The following CSMD1 variants were observed in gnomAD, a reference collection of about 807,000 sequenced individuals.
The protein encoded by CSMD1 is CUB and sushi domain-containing protein 1.
Under a neutral mutation model 417.5 loss-of-function variants are expected in CSMD1, and 213 were observed. The ratio of observed to expected loss-of-function variants is 0.51; its 90% CI spans 0.46 to 0.57. The LOEUF (loss-of-function observed/expected upper bound fraction) is 0.57. CSMD1 is among the 20% of genes least tolerant of loss of function. The pLI is 0.00. For synonymous variants in CSMD1, 2,862 were observed against 1,736.8 expected (o/e 1.65, Z -16.11); for missense variants, 6,923 against 4,529.7 (o/e 1.53, Z -15.17).
intron 58 of CSMD1, 36 bp downstream of exon 58, chr8:2,966,534 T>G (rs765274084): frequency 1.3e-6 from 2 of 1,577,382 alleles, no homozygotes; most frequent in East Asian, 4.5e-5. Context: ...AATTTCATAG[T>G]AACGTCTGAG....
intron 1 of CSMD1, among the ~76,000 whole-genome samples, chr8:4,917,017 C>T (rs1407126688): frequency 6.6e-6 from 1 of 152,108 alleles, no homozygotes; most frequent in African/African-American, 2.4e-5. Context: ...TAAATAACCA[C>T]CTGAGACTGG....
intron 11 of CSMD1, among the ~76,000 whole-genome samples, chr8:3,481,682 G>A (rs1368524679): frequency 2.0e-5 from 3 of 152,196 alleles, no homozygotes; most frequent in Non-Finnish European, 4.4e-5. Context: ...GAGAGGCAGA[G>A]GGAGATTTCA....
At chr8:4,044,656 C>A (rs935390041) in intron 3 of CSMD1, among the ~76,000 whole-genome samples, 3 of 136,410 alleles carry the variant, frequency 2.2e-5, no homozygotes, top group Non-Finnish European at 4.9e-5. Context: ...ACGTGTACCA[C>A]CCTGGGCGTG....
chr8:3,454,138 T>C (rs1234891394), intron 12 of CSMD1, among the ~76,000 whole-genome samples: 2 of 152,206 alleles, frequency 1.3e-5, no homozygotes, highest in Non-Finnish European at 2.9e-5. Flanking sequence ...TTGCAACCCC[T>C]GCCTTTTTTT....
intron 2 of CSMD1, among the ~76,000 whole-genome samples, chr8:4,421,311 C>T (rs1006509147): frequency 2.0e-5 from 3 of 152,132 alleles, no homozygotes; most frequent in African/African-American, 7.2e-5. Context: ...GAATACAGAA[C>T]TCATCAACCC....
At chr8:3,438,380 C>A (rs1001775429) in intron 12 of CSMD1, among the ~76,000 whole-genome samples, 1 of 152,146 alleles carries the variant, frequency 6.6e-6, no homozygotes, top group Non-Finnish European at 1.5e-5. Context: ...TCCAGCAACA[C>A]AGACATCCCT....
intron 1 of CSMD1, among the ~76,000 whole-genome samples, chr8:4,727,964 AC>A (rs1809575313): frequency 4.6e-5 from 1 of 21,836 alleles, no homozygotes; most frequent in African/African-American, 2.7e-4. Context: ...GTATATATAT[AC>A]AAAATATATA....
chr8:4,558,677 G>T (rs1018572392), intron 2 of CSMD1, among the ~76,000 whole-genome samples: 8 of 152,016 alleles, frequency 5.3e-5, no homozygotes, highest in African/African-American at 1.9e-4. Context: ...GACCAGGCTG[G>T]CCAACATGGT....
At chr8:3,944,990 C>A (rs1305552540) in intron 5 of CSMD1, among the ~76,000 whole-genome samples, 1 of 152,070 alleles carries the variant, frequency 6.6e-6, no homozygotes, top group South Asian at 2.1e-4. Flanking sequence ...CCATCTAATG[C>A]GGTTCACCCG....
chr8:3,812,018 T>G (rs1801118831), intron 5 of CSMD1, among the ~76,000 whole-genome samples: 1 of 149,630 alleles, frequency 6.7e-6, no homozygotes, highest in Non-Finnish European at 1.5e-5. Flanking sequence ...TTACTAATCT[T>G]CTTATGCTTA....
At chr8:4,845,269 C>T (rs1472868313) in intron 1 of CSMD1, among the ~76,000 whole-genome samples, 1 of 152,102 alleles carries the variant, frequency 6.6e-6, no homozygotes, top group Non-Finnish European at 1.5e-5. Flanking sequence ...AGAAAGCCAT[C>T]AACATTTTTC....
At chr8:4,286,906 T>A (rs1269998849) in intron 3 of CSMD1, among the ~76,000 whole-genome samples, 5 of 152,184 alleles carry the variant, frequency 3.3e-5, no homozygotes, top group African/African-American at 9.7e-5. Context: ...AGGAGTTGAT[T>A]CAAATGAATC....
chr8:4,502,059 G>C lies in CSMD1; in HGVS notation c.303-81994C>G, dbSNP rs142184075. Among the ~76,000 whole-genome samples the C allele has an allele frequency of 3.9e-5, 6 of 152,150 alleles. No homozygotes were observed. The East Asian group carries it at 9.6e-4, about 24-fold the overall frequency. ...GAATAACAATTATGTCCACAAACAA[G>C]TTAAAAAATTATTTCTACATATGTT... is the stretch of plus-strand genomic sequence containing the variant. On this transcript the variant is annotated intron_variant, in intron 2 of 69. Transcript: ENST00000635120.
rs73506669 is a variant in CSMD1 at position 4,344,831 on chromosome 8, A to G, written c.415+75122T>C. Among the ~76,000 whole-genome samples, 197 of 152,298 alleles carry G rather than the reference A, an allele frequency of 1.3e-3. 1 individual carries two copies. Among genetic ancestry groups the G allele is most frequent in the African/African-American group, 4.6e-3 (190 of 41,580 alleles). On this transcript the variant is annotated intron_variant, in intron 3 of 69. Coordinates refer to ENST00000635120, the MANE Select transcript of CSMD1 (RefSeq NM_033225.6). ...ATGATATATAGCAGCTGATCTTTAA[A>G]AAGGATCTTTGAGAACCTTTAAAAA...
At chr8:4,786,625 T>A (rs955258257) in intron 1 of CSMD1, among the ~76,000 whole-genome samples, 5 of 152,228 alleles carry the variant, frequency 3.3e-5, no homozygotes, top group African/African-American at 1.2e-4. Context: ...TGCTTGAATC[T>A]CTCTCTGATC....
chr8:3,221,529 AAAACAAACAAAC>A (rs35213930), intron 28 of CSMD1, among the ~76,000 whole-genome samples: 10 of 150,298 alleles, frequency 6.7e-5, no homozygotes, highest in East Asian at 2.0e-4. Context: ...CAGACACAGG[AAAACAAACAAAC>A]AAACAAACAA....
intron 3 of CSMD1, among the ~76,000 whole-genome samples, chr8:4,081,410 G>C (rs780261668): frequency 3.9e-5 from 6 of 152,102 alleles, no homozygotes; most frequent in Non-Finnish European, 8.8e-5. Context: ...AGGCTTTGCA[G>C]CTTCCTCCTT....
chr8:4,268,725 A>AC (rs1353851248), intron 3 of CSMD1, among the ~76,000 whole-genome samples: 10 of 151,490 alleles, frequency 6.6e-5, no homozygotes, highest in Non-Finnish European at 4.4e-5. Flanking sequence ...ATAACCAAAT[A>AC]CCCCCACTTA....
intron 3 of CSMD1, among the ~76,000 whole-genome samples, chr8:4,043,256 C>T (rs1797984510): frequency 6.6e-6 from 1 of 151,994 alleles, no homozygotes; most frequent in Admixed American, 6.6e-5. Context: ...ATTAGGCTAG[C>T]ATAGGAGATA....
Sources: gnomAD v4.1 joint callset for allele counts (sites outside exome capture counted in the v4.1 genomes callset) on GRCh38, gnomAD v4.1.1 for gene constraint, MANE v1.5 for transcripts, NCBI Gene and HGNC (gene_info 2026-07-23, HGNC 2026-07-21) for gene names.